The following BMP6 variants were observed in gnomAD, a reference collection of about 807,000 sequenced individuals.
The protein encoded by BMP6 is bone morphogenetic protein 6.
Under a neutral mutation model 54.1 loss-of-function variants are expected in BMP6, and 17 were observed. The ratio of observed to expected loss-of-function variants is 0.31; its 90% CI spans 0.22 to 0.47. The LOEUF (loss-of-function observed/expected upper bound fraction) is 0.47, where lower values mean the gene tolerates loss of function less well. Ranked by LOEUF, BMP6 falls within the 20% of genes least tolerant of loss-of-function variation. The pLI, the probability that BMP6 is intolerant of heterozygous loss-of-function variation, is 1.00. For missense variants in BMP6, 720 were observed against 690.4 expected (o/e 1.04, Z -0.48); for synonymous variants, 328 against 291.2 (o/e 1.13, Z -1.28).
chr6:7,794,604 G>GAAAAAAAA (rs58889692), intron 1 of BMP6, among the ~76,000 whole-genome samples: 1 of 119,184 alleles, frequency 8.4e-6, no homozygotes, highest in African/African-American at 3.0e-5. Flanking sequence ...TGTCCCAAAA[G>GAAAAAAAA]AAAAAAAAAA....
At chr6:7,863,263 G>T (rs1393091575) in intron 4 of BMP6, among the ~76,000 whole-genome samples, 1 of 152,238 alleles carries the variant, frequency 6.6e-6, no homozygotes. Context: ...CTCCCAAAGT[G>T]CTGGGATTAC....
At chr6:7,756,565 A>G (rs1040229662) in intron 1 of BMP6, among the ~76,000 whole-genome samples, 45 of 152,198 alleles carry the variant, frequency 3.0e-4, no homozygotes, top group Non-Finnish European at 5.6e-4. Context: ...GCATGCAAAG[A>G]TGCTGTGTGC....
intron 4 of BMP6, among the ~76,000 whole-genome samples, chr6:7,875,640 C>T (rs538373581): frequency 7.9e-5 from 12 of 152,282 alleles, no homozygotes; most frequent in South Asian, 6.2e-4. Flanking sequence ...TGTGCTCCAG[C>T]TTGCGTGACA....
chr6:7,838,394 C>CCA lies in BMP6; in HGVS notation c.665-6741_665-6740dup, dbSNP rs565078848. Among the ~76,000 whole-genome samples the CCA allele has an allele frequency of 2.0e-4, 31 of 152,242 alleles. 1 individual carries two copies. The South Asian group carries it at 6.2e-3, about 31-fold the overall frequency. ...GAGGGGAAAATTGTATAACTTGAAA[C>CCA]CACACAATGCCATAGGAAATGAGAA... On this transcript the variant is annotated intron_variant, in intron 1 of 6. Coordinates refer to ENST00000283147, the MANE Select transcript of BMP6 (RefSeq NM_001718.6).
chr6:7,880,040 A>G lies in BMP6; in HGVS notation c.1331A>G (p.Glu444Gly). The change falls in exon 6 of 7, where the codon GAA (glutamate) becomes GGA (glycine). Residue 444 changes from glutamate (E) to glycine (G), a missense_variant. By Grantham distance (98) the Glu-to-Gly change is moderately conservative. Transcript: ENST00000283147. ...TATGCTGCCAATTACTGTGATGGAG[A>G]ATGCTCCTTCCCACTCAACGCACAC... The part of the protein sequence containing the change: ...KGYAANYCDG[E>G]CSFPLNAHMN... The G allele has an allele frequency of 1.2e-6, 2 of 1,614,166 alleles. No homozygotes were observed. The highest frequency in any genetic ancestry group is 1.7e-6 in the Non-Finnish European group (2 of 1,180,034).
chr6:7,759,621 G>C (rs1370796431), intron 1 of BMP6, among the ~76,000 whole-genome samples: 1 of 145,546 alleles, frequency 6.9e-6, no homozygotes, highest in Admixed American at 6.9e-5. Flanking sequence ...AAACAAATCA[G>C]ATTTTAAAAG....
intron 1 of BMP6, among the ~76,000 whole-genome samples, chr6:7,824,074 G>A (rs1050753395): frequency 3.3e-5 from 5 of 152,182 alleles, no homozygotes; most frequent in Non-Finnish European, 7.4e-5. Context: ...AGATGGTGAT[G>A]GTTTAGTCCA....
chr6:7,804,338 C>T (rs1758315095), intron 1 of BMP6, among the ~76,000 whole-genome samples: 1 of 151,856 alleles, frequency 6.6e-6, no homozygotes, highest in African/African-American at 2.4e-5. Flanking sequence ...AAATTACCTC[C>T]TCTTCTCATT....
intron 1 of BMP6, among the ~76,000 whole-genome samples, chr6:7,753,407 C>T (rs1269921708): frequency 1.3e-5 from 2 of 152,296 alleles, no homozygotes; most frequent in African/African-American, 2.4e-5. Context: ...CACTAGGGAG[C>T]GTGTCAGAAA....
At position 7,880,111 on chromosome 6, in the gene BMP6, C is replaced by A. The variant is rs765027412; in HGVS notation, c.1392+10C>A. 5.0e-6 allele frequency: 8 copies of A among 1,613,934 alleles called. No homozygotes were observed. In the Admixed American group the frequency reaches 8.3e-5, roughly 17 times the overall value. ...GATTGTGCAGACCTTGGTGAGCTCT[C>A]GGAGACTTTGTTTTGTAAGTGGGAG... On this transcript the variant is annotated intron_variant, in intron 6 of 6. Coordinates refer to ENST00000283147, the MANE Select transcript of BMP6 (RefSeq NM_001718.6).
At chr6:7,789,069 T>C (rs1165395807) in intron 1 of BMP6, among the ~76,000 whole-genome samples, 1 of 152,176 alleles carries the variant, frequency 6.6e-6, no homozygotes, top group Non-Finnish European at 1.5e-5. Flanking sequence ...TTGTAAGATA[T>C]CCAGTACAAT....
At chr6:7,878,724 G>A (rs1759661954) in intron 4 of BMP6, among the ~76,000 whole-genome samples, 1 of 152,234 alleles carries the variant, frequency 6.6e-6, no homozygotes, top group South Asian at 2.1e-4. Flanking sequence ...CTGATCATGT[G>A]AATGTGATGC....
intron 1 of BMP6, among the ~76,000 whole-genome samples, chr6:7,781,059 C>T (rs181442965): frequency 2.6e-5 from 4 of 152,196 alleles, no homozygotes; most frequent in African/African-American, 9.6e-5. Context: ...CTAGTCCACA[C>T]AGTACAGTGC....
chr6:7,729,155 C>T (rs532129276), intron 1 of BMP6, among the ~76,000 whole-genome samples: 13 of 152,304 alleles, frequency 8.5e-5, no homozygotes, highest in African/African-American at 3.1e-4. Flanking sequence ...GAGCCACCTC[C>T]AGGAAGCATT....
At chr6:7,764,384 G>A (rs1263988988) in intron 1 of BMP6, among the ~76,000 whole-genome samples, 1 of 152,138 alleles carries the variant, frequency 6.6e-6, no homozygotes, top group Non-Finnish European at 1.5e-5. Flanking sequence ...AAACTCACGG[G>A]TCCAGCAGCT....
At chr6:7,807,284 G>A (rs529805522) in intron 1 of BMP6, among the ~76,000 whole-genome samples, 104 of 151,630 alleles carry the variant, frequency 6.9e-4, no homozygotes, top group African/African-American at 2.3e-3. Context: ...GTTGTTTTTT[G>A]TTTGTTTGTT....
chr6:7,872,817 T>TTC (rs1456059624), intron 4 of BMP6, among the ~76,000 whole-genome samples: 3 of 149,550 alleles, frequency 2.0e-5, no homozygotes, highest in African/African-American at 7.4e-5. Flanking sequence ...TTTTTTTCTT[T>TTC]TTTTTTTTTT....
chr6:7,738,559 T>G (rs1017615522), intron 1 of BMP6, among the ~76,000 whole-genome samples: 4 of 150,112 alleles, frequency 2.7e-5, no homozygotes, highest in Non-Finnish European at 6.0e-5. Context: ...CTGCATTAAA[T>G]CCCCTCTGTT....
At chr6:7,777,861 A>C (rs1484709149) in intron 1 of BMP6, among the ~76,000 whole-genome samples, 1 of 152,104 alleles carries the variant, frequency 6.6e-6, no homozygotes, top group Non-Finnish European at 1.5e-5. Context: ...CCAAGCGACA[A>C]ACACTCTTTA....
Sources: allele counts gnomAD v4.1 joint callset (sites outside exome capture counted in the v4.1 genomes callset), GRCh38; gene constraint gnomAD v4.1.1; transcripts MANE v1.5; gene names NCBI Gene and HGNC (gene_info 2026-07-23, HGNC 2026-07-21).